The following OSBPL8 variants were observed in gnomAD, a reference collection of about 807,000 sequenced individuals.
OSBPL8 encodes oxysterol binding protein like 8.
OSBPL8 carries 59 observed loss-of-function variants against 125.5 expected under a neutral mutation model. That is an observed-to-expected ratio of 0.47 (90% CI 0.38 to 0.58). The LOEUF is 0.58. Among genes scored for constraint, OSBPL8 ranks in the 20% least tolerant of loss-of-function variants. OSBPL8 has a pLI of 0.00. For missense variants in OSBPL8, 758 were observed against 1,047.8 expected (o/e 0.72, Z 3.82); for synonymous variants, 330 against 338.9 (o/e 0.97, Z 0.29).
chr12:76,509,242 G>C (rs931592129), intron 1 of OSBPL8, among the ~76,000 whole-genome samples: 5 of 152,160 alleles, frequency 3.3e-5, no homozygotes, highest in South Asian at 4.1e-4. Flanking sequence ...TATAGCCTAG[G>C]TGTGTAGTAG....
At chr12:76,394,258 C>G (rs1298448072) in intron 9 of OSBPL8, among the ~76,000 whole-genome samples, 1 of 151,896 alleles carries the variant, frequency 6.6e-6, no homozygotes, top group Non-Finnish European at 1.5e-5. Context: ...GTACTCGAAT[C>G]TCTTACATAA....
chr12:76,516,112 G>A (rs1049827594), intron 1 of OSBPL8, among the ~76,000 whole-genome samples: 76 of 152,310 alleles, frequency 5.0e-4, no homozygotes, highest in African/African-American at 1.6e-3. Flanking sequence ...TGAAAAAGCA[G>A]TGGAGAAGTT....
intron 1 of OSBPL8, among the ~76,000 whole-genome samples, chr12:76,517,106 G>A (rs909903880): frequency 2.3e-4 from 35 of 152,244 alleles, no homozygotes; most frequent in African/African-American, 7.9e-4. Context: ...GAGCCATCAC[G>A]CCGGCCCAAT....
intron 1 of OSBPL8, among the ~76,000 whole-genome samples, chr12:76,507,050 C>T (rs1395762752): frequency 1.3e-5 from 2 of 151,570 alleles, no homozygotes; most frequent in Non-Finnish European, 2.9e-5. Flanking sequence ...ACCATATTGA[C>T]TCATTTCTCA....
intron 21 of OSBPL8, among the ~76,000 whole-genome samples, chr12:76,362,276 A>G (rs1433513109): frequency 6.8e-6 from 1 of 146,748 alleles, no homozygotes; most frequent in Non-Finnish European, 1.5e-5. Flanking sequence ...CATCGATGCA[A>G]AAATCCTCAA....
chr12:76,486,716 T>C (rs1878174043), intron 2 of OSBPL8, among the ~76,000 whole-genome samples: 1 of 152,220 alleles, frequency 6.6e-6, no homozygotes, highest in African/African-American at 2.4e-5. Context: ...GTAGAAATGT[T>C]TATTAAATCT....
At chr12:76,433,629 T>C (rs1871111221) in intron 4 of OSBPL8, among the ~76,000 whole-genome samples, 1 of 151,968 alleles carries the variant, frequency 6.6e-6, no homozygotes, top group African/African-American at 2.4e-5. Context: ...ATCCAAAAGA[T>C]CCACAGATTC....
At chr12:76,369,189 G>A in intron 21 of OSBPL8, 25 bp downstream of exon 21, 1 of 1,595,434 alleles carries the variant, frequency 6.3e-7, no homozygotes, top group African/African-American at 1.4e-5. Flanking sequence ...TATATACCTA[G>A]TGTACCTAGT....
chr12:76,374,840 T>A (rs1271868032), intron 17 of OSBPL8, among the ~76,000 whole-genome samples: 1 of 152,170 alleles, frequency 6.6e-6, no homozygotes, highest in Non-Finnish European at 1.5e-5. Context: ...TTATTAAGTC[T>A]GTGAGTTTTA....
intron 4 of OSBPL8, among the ~76,000 whole-genome samples, chr12:76,415,492 C>A (rs1868526690): frequency 6.6e-6 from 1 of 152,256 alleles, no homozygotes; most frequent in South Asian, 2.1e-4. Flanking sequence ...AAGTGATCCA[C>A]CCGCCTTGGC....
At chr12:76,544,306 G>A (rs1267561607) in intron 1 of OSBPL8, among the ~76,000 whole-genome samples, 2 of 152,026 alleles carry the variant, frequency 1.3e-5, no homozygotes, top group Admixed American at 1.3e-4. Context: ...TGTGAGACTT[G>A]GTTCAGAAAG....
chr12:76,370,362 A>T (rs1952574257), intron 19 of OSBPL8, among the ~76,000 whole-genome samples: 1 of 152,154 alleles, frequency 6.6e-6, no homozygotes. Context: ...GTTGAGAACC[A>T]CTGGTTTAAC....
At chr12:76,485,078 G>A (rs964896610) in intron 2 of OSBPL8, among the ~76,000 whole-genome samples, 4 of 151,864 alleles carry the variant, frequency 2.6e-5, no homozygotes, top group Admixed American at 6.5e-5. Flanking sequence ...CTGCCACCAC[G>A]TCCGGCTAAT....
intron 4 of OSBPL8, among the ~76,000 whole-genome samples, chr12:76,430,291 A>G (rs1870656324): frequency 6.6e-6 from 1 of 152,066 alleles, no homozygotes; most frequent in African/African-American, 2.4e-5. Context: ...ACATCCACCA[A>G]TGCCCCAGGT....
chr12:76,385,519 C>T (rs577336561), intron 14 of OSBPL8, among the ~76,000 whole-genome samples: 24 of 151,798 alleles, frequency 1.6e-4, no homozygotes, highest in African/African-American at 4.6e-4. Context: ...AAAAGGTAAA[C>T]GATACAAATG....
At position 76,413,226 on chromosome 12, in the gene OSBPL8, C is replaced by A. The variant is rs142877459; in HGVS notation, c.218-2592G>T. On this transcript the variant is annotated intron_variant, in intron 4 of 23. Transcript: ENST00000261183. ...TCCCAAATCAAGAAATAGAGAATTG[C>A]TAACATTTCATAAGATTCCTCCTCA... is the stretch of plus-strand genomic sequence containing the variant. 2.6e-5 allele frequency among the ~76,000 whole-genome samples: 4 copies of A among 152,266 alleles called. No individual in the cohort carries two copies. The East Asian group carries it at 7.7e-4, about 29-fold the overall frequency.
At chr12:76,411,756 T>C (rs1316116061) in intron 4 of OSBPL8, among the ~76,000 whole-genome samples, 1 of 152,118 alleles carries the variant, frequency 6.6e-6, no homozygotes, top group African/African-American at 2.4e-5. Context: ...GAATTTTAAA[T>C]GAAACTAGTT....
chr12:76,360,583 C>T (rs1379320885), intron 21 of OSBPL8, among the ~76,000 whole-genome samples: 1 of 152,244 alleles, frequency 6.6e-6, no homozygotes, highest in African/African-American at 2.4e-5. Context: ...GGGGCTCCGA[C>T]CCCAGATTTC....
At chr12:76,480,036 G>A (rs943790095) in intron 2 of OSBPL8, among the ~76,000 whole-genome samples, 16 of 151,432 alleles carry the variant, frequency 1.1e-4, no homozygotes, top group Middle Eastern at 3.2e-3. Flanking sequence ...GCATGGTGGC[G>A]CATGCCTGTA....
Sources: gnomAD v4.1 joint callset for allele counts (sites outside exome capture counted in the v4.1 genomes callset) on GRCh38, gnomAD v4.1.1 for gene constraint, MANE v1.5 for transcripts, NCBI Gene and HGNC (gene_info 2026-07-23, HGNC 2026-07-21) for gene names.